Variants in TAFA5 observed in about 807,000 individuals in gnomAD.
TAFA5 encodes TAFA chemokine like family member 5.
A neutral mutation model predicts 15.3 loss-of-function variants in TAFA5; 6 were observed. The observed-to-expected ratio is 0.39, with a 90% confidence interval of 0.21 to 0.77. TAFA5 has a LOEUF of 0.77. TAFA5 is among the 30% of genes least tolerant of loss of function. The pLI is 0.41. For synonymous variants in TAFA5, 103 were observed against 80.7 expected (o/e 1.28, Z -1.48); for missense variants, 161 against 193.1 (o/e 0.83, Z 0.98).
intron 1 of TAFA5, among the ~76,000 whole-genome samples, chr22:48,630,877 A>C (rs1926199051): frequency 6.6e-6 from 1 of 152,122 alleles, no homozygotes; most frequent in South Asian, 2.1e-4. Flanking sequence ...TCTGCCCCCT[A>C]TACCCAGATA....
chr22:48,683,052 G>C (rs1265051209), intron 2 of TAFA5, among the ~76,000 whole-genome samples: 2 of 152,026 alleles, frequency 1.3e-5, no homozygotes, highest in Non-Finnish European at 2.9e-5. Flanking sequence ...ACAGCTCCTT[G>C]CTTGCTTTCC....
intron 1 of TAFA5, among the ~76,000 whole-genome samples, chr22:48,522,553 C>T (rs773046172): frequency 1.3e-5 from 2 of 152,062 alleles, no homozygotes; most frequent in African/African-American, 2.4e-5. Context: ...CTGGGGTGGG[C>T]GCGGGGCCAG....
rs562703379 is a variant in TAFA5, at chr22:48,586,795, T to C, written c.113-59802T>C. Among the ~76,000 whole-genome samples, 89 of 152,322 alleles carry C rather than the reference T, an allele frequency of 5.8e-4. 1 individual carries two copies. The South Asian group carries it at 0.018, about 32-fold the overall frequency. On this transcript the variant is annotated intron_variant, in intron 1 of 3. Coordinates refer to ENST00000402357, the MANE Select transcript of TAFA5 (RefSeq NM_001082967.3). ...GCGACCTGGACAGTGCCCACTGTGT[T>C]CTCTAGAGAGTTCCTCAAGGATGCA... is the stretch of plus-strand genomic sequence containing the variant.
At chr22:48,646,820 G>T (rs909074350) in intron 2 of TAFA5, 74 bp downstream of exon 2, 1 of 1,490,210 alleles carries the variant, frequency 6.7e-7, no homozygotes, top group African/African-American at 1.4e-5. Flanking sequence ...TCCCTGACGC[G>T]GCCCCTTACC....
At chr22:48,738,428 C>G (rs1930091959) in intron 3 of TAFA5, among the ~76,000 whole-genome samples, 1 of 152,108 alleles carries the variant, frequency 6.6e-6, no homozygotes, top group Admixed American at 6.5e-5. Context: ...GCAGCCACTC[C>G]TGGGCCTCTG....
chr22:48,554,565 G>A lies in TAFA5; in HGVS notation c.112+64861G>A, dbSNP rs8142316. Among the ~76,000 whole-genome samples, 424 of 152,302 alleles carry A rather than the reference G, an allele frequency of 2.8e-3. 1 individual carries two copies. Among genetic ancestry groups the A allele is most frequent in the African/African-American group, 9.8e-3 (406 of 41,572 alleles). ...ATGAGACTGAAACTGTCATTTTAAT[G>A]AGAATGCAAATGAGATTGCTGAGGT... On this transcript the variant is annotated intron_variant, in intron 1 of 3. Coordinates refer to ENST00000402357, the MANE Select transcript of TAFA5 (RefSeq NM_001082967.3).
intron 2 of TAFA5, among the ~76,000 whole-genome samples, chr22:48,652,374 T>A (rs1032775805): frequency 6.6e-6 from 1 of 152,178 alleles, no homozygotes; most frequent in Non-Finnish European, 1.5e-5. Flanking sequence ...GCCTGCCCCG[T>A]TCATCCCTTC....
intron 1 of TAFA5, among the ~76,000 whole-genome samples, chr22:48,596,831 C>T (rs547497614): frequency 1.1e-4 from 17 of 152,214 alleles, no homozygotes; most frequent in Admixed American, 6.5e-4. Context: ...GTTTTTGAGA[C>T]AGGGTCTCCT....
At chr22:48,708,127 G>A (rs918299181) in intron 3 of TAFA5, among the ~76,000 whole-genome samples, 1 of 152,294 alleles carries the variant, frequency 6.6e-6, no homozygotes, top group East Asian at 1.9e-4. Context: ...ACCAGGTCTC[G>A]AAACCCCCTG....
chr22:48,571,343 C>T (rs549192458), intron 1 of TAFA5, among the ~76,000 whole-genome samples: 5 of 138,628 alleles, frequency 3.6e-5, no homozygotes, highest in African/African-American at 8.0e-5. Flanking sequence ...AGAACAATCT[C>T]GGCTCACTGC....
intron 3 of TAFA5, among the ~76,000 whole-genome samples, chr22:48,738,182 A>G (rs1930084830): frequency 6.6e-6 from 1 of 152,178 alleles, no homozygotes; most frequent in Non-Finnish European, 1.5e-5. Flanking sequence ...CTGGGAGCCG[A>G]GCACGGGGAG....
At chr22:48,679,822 A>T (rs1404761189) in intron 2 of TAFA5, among the ~76,000 whole-genome samples, 1 of 151,690 alleles carries the variant, frequency 6.6e-6, no homozygotes, top group Non-Finnish European at 1.5e-5. Context: ...GTGTTGTTCC[A>T]TGAAGCGCCG....
At chr22:48,666,878 G>C (rs1927635210) in intron 2 of TAFA5, among the ~76,000 whole-genome samples, 1 of 152,196 alleles carries the variant, frequency 6.6e-6, no homozygotes, top group Admixed American at 6.5e-5. Flanking sequence ...GTGGCCGACT[G>C]TCTCAGCCTC....
chr22:48,561,292 G>A (rs757696474), intron 1 of TAFA5, among the ~76,000 whole-genome samples: 10 of 152,116 alleles, frequency 6.6e-5, no homozygotes, highest in Admixed American at 1.3e-4. Context: ...AGCCTCTCCC[G>A]TCCGCAGGGA....
chr22:48,529,177 G>A (rs1921877529), intron 1 of TAFA5, among the ~76,000 whole-genome samples: 1 of 151,276 alleles, frequency 6.6e-6, no homozygotes. Flanking sequence ...GGGTGTCCAG[G>A]CAGGAGATGA....
chr22:48,702,937 C>T (rs555426291), intron 2 of TAFA5, among the ~76,000 whole-genome samples: 15 of 152,340 alleles, frequency 9.8e-5, no homozygotes, highest in African/African-American at 3.4e-4. Flanking sequence ...CTGGTGCCCT[C>T]GGGAGGGCCA....
At chr22:48,627,339 C>A (rs1005110813) in intron 1 of TAFA5, among the ~76,000 whole-genome samples, 2 of 152,236 alleles carry the variant, frequency 1.3e-5, no homozygotes, top group African/African-American at 4.8e-5. Context: ...CAGCACGTGC[C>A]CGGCAGCTGC....
intron 2 of TAFA5, among the ~76,000 whole-genome samples, chr22:48,652,260 A>T (rs1927081767): frequency 6.6e-6 from 1 of 152,214 alleles, no homozygotes; most frequent in Non-Finnish European, 1.5e-5. Flanking sequence ...AAGGTCCCTA[A>T]GATGCGGTGT....
At chr22:48,581,733 A>G (rs1023885194) in intron 1 of TAFA5, among the ~76,000 whole-genome samples, 1 of 152,212 alleles carries the variant, frequency 6.6e-6, no homozygotes, top group Non-Finnish European at 1.5e-5. Context: ...CTAAATGCTC[A>G]TAGGTGTTCA....
Sources: gnomAD v4.1 joint callset for allele counts (sites outside exome capture counted in the v4.1 genomes callset) on GRCh38, gnomAD v4.1.1 for gene constraint, MANE v1.5 for transcripts, NCBI Gene and HGNC (gene_info 2026-07-23, HGNC 2026-07-21) for gene names.